Variants in HIP1 observed in about 807,000 individuals in gnomAD.
HIP1 encodes the protein huntingtin interacting protein 1.
Under a neutral mutation model 147.6 loss-of-function variants are expected in HIP1, and 65 were observed. The observed-to-expected ratio is 0.44, with a 90% confidence interval of 0.36 to 0.54. The LOEUF (loss-of-function observed/expected upper bound fraction) is 0.54, where lower values mean the gene tolerates loss of function less well. HIP1 is among the 20% of genes least tolerant of loss of function. HIP1 has a pLI of 0.00. For synonymous variants in HIP1, 479 were observed against 504.0 expected (o/e 0.95, Z 0.67); for missense variants, 1,061 against 1,299.6 (o/e 0.82, Z 2.82).
At chr7:75,661,275 TAAA>T (rs35661628) in intron 1 of HIP1, among the ~76,000 whole-genome samples, 18 of 135,814 alleles carry the variant, frequency 1.3e-4, no homozygotes, top group Non-Finnish European at 1.7e-4. Flanking sequence ...GAGACCCTGT[TAAA>T]AAAAAAAAAA....
intron 9 of HIP1, among the ~76,000 whole-genome samples, chr7:75,565,739 T>C (rs1795378847): frequency 1.8e-5 from 1 of 56,976 alleles, no homozygotes; most frequent in Non-Finnish European, 4.7e-5. Flanking sequence ...CTCCTTTCCT[T>C]TTTTTTTTTT....
At chr7:75,729,995 G>A (rs1254154965) in intron 1 of HIP1, among the ~76,000 whole-genome samples, 1 of 152,098 alleles carries the variant, frequency 6.6e-6, no homozygotes, top group Non-Finnish European at 1.5e-5. Context: ...GCAGGAAGGA[G>A]GGAGGGCTCA....
chr7:75,576,239 A>G (rs1243869212), intron 7 of HIP1, among the ~76,000 whole-genome samples: 5 of 152,208 alleles, frequency 3.3e-5, no homozygotes, highest in East Asian at 3.8e-4. Flanking sequence ...GAGGACTTCA[A>G]TGAGAATGCT....
intron 1 of HIP1, among the ~76,000 whole-genome samples, chr7:75,638,275 C>T (rs1798512161): frequency 6.6e-6 from 1 of 151,944 alleles, no homozygotes; most frequent in Non-Finnish European, 1.5e-5. Context: ...CTGCGAACCC[C>T]CCTCCCATCA....
intron 1 of HIP1, among the ~76,000 whole-genome samples, chr7:75,696,738 T>C (rs1277511633): frequency 6.6e-6 from 1 of 150,892 alleles, no homozygotes; most frequent in African/African-American, 2.4e-5. Flanking sequence ...TGGCTGGAAT[T>C]ACAAGTGCCT....
At chr7:75,582,297 G>T in intron 5 of HIP1, 146 bp from the exon 6 acceptor site, 1 of 634,110 alleles carries the variant, frequency 1.6e-6, no homozygotes, top group Non-Finnish European at 2.8e-6. Flanking sequence ...CAAGTTTACA[G>T]TTCAAGGCCA....
chr7:75,737,867 C>CATTG (rs1451673655), intron 1 of HIP1, among the ~76,000 whole-genome samples: 1 of 152,186 alleles, frequency 6.6e-6, no homozygotes, highest in African/African-American at 2.4e-5. Context: ...GCCCCTCCAG[C>CATTG]ATTGGCACTG....
chr7:75,657,790 G>C (rs1554512933), intron 1 of HIP1, among the ~76,000 whole-genome samples: 1 of 151,896 alleles, frequency 6.6e-6, no homozygotes, highest in Non-Finnish European at 1.5e-5. Context: ...TATTAATATT[G>C]GGTATTATAT....
intron 1 of HIP1, among the ~76,000 whole-genome samples, chr7:75,688,232 C>T (rs1351057789): frequency 1.3e-5 from 2 of 152,196 alleles, no homozygotes; most frequent in African/African-American, 2.4e-5. Flanking sequence ...GAGGTGGGAC[C>T]GCCCTTGTGA....
intron 1 of HIP1, among the ~76,000 whole-genome samples, chr7:75,661,572 CAAAA>C (rs61482074): frequency 6.4e-5 from 3 of 46,910 alleles, no homozygotes; most frequent in African/African-American, 1.6e-4. Flanking sequence ...GACTCCATCT[CAAAA>C]AAAAAAAAAA....
At chr7:75,554,928 A>T (rs1351730835) in intron 19 of HIP1, among the ~76,000 whole-genome samples, 2 of 151,782 alleles carry the variant, frequency 1.3e-5, no homozygotes, top group Admixed American at 1.3e-4. Context: ...AGCCAAGGCC[A>T]GGCATGGTGG....
At chr7:75,636,534 G>A (rs1554509720) in intron 1 of HIP1, among the ~76,000 whole-genome samples, 1 of 152,202 alleles carries the variant, frequency 6.6e-6, no homozygotes, top group Non-Finnish European at 1.5e-5. Context: ...ACCAGAGATG[G>A]GAATTTAATG....
chr7:75,593,739 A>G (rs1796585114), intron 2 of HIP1, among the ~76,000 whole-genome samples: 1 of 151,620 alleles, frequency 6.6e-6, no homozygotes, highest in African/African-American at 2.4e-5. Flanking sequence ...TCCAGGCAGC[A>G]TCTCCCAGCC....
intron 1 of HIP1, among the ~76,000 whole-genome samples, chr7:75,699,994 G>A (rs1800770617): frequency 6.6e-6 from 1 of 152,060 alleles, no homozygotes; most frequent in Non-Finnish European, 1.5e-5. Flanking sequence ...GGGATTACAG[G>A]TGCGCACCAC....
At position 75,559,958 on chromosome 7, in the gene HIP1, C is replaced by A. The variant is rs587727800; in HGVS notation, c.1192-43G>T. 29 of 1,520,630 alleles carry A rather than the reference C, an allele frequency of 1.9e-5. No homozygotes were observed. In the African/African-American group the frequency reaches 3.7e-4, roughly 19 times the overall value. 94.2% of individuals were successfully genotyped at this position (1,520,630 alleles called of 1,614,324 possible). ...TCATGAGGCCAACCGCCCACTGCCA[C>A]GGGTCACGGGCATGGGCCGGAGAAG... is the stretch of plus-strand genomic sequence containing the variant. On this transcript the variant is annotated intron_variant, in intron 13 of 30. Coordinates refer to ENST00000336926, the MANE Select transcript of HIP1 (RefSeq NM_005338.7).
intron 1 of HIP1, among the ~76,000 whole-genome samples, chr7:75,655,009 C>T (rs781826919): frequency 2.0e-5 from 3 of 152,202 alleles, no homozygotes; most frequent in Non-Finnish European, 4.4e-5. Context: ...AAAGTTAAAC[C>T]GAATTACCAC....
chr7:75,558,272 C>G lies in HIP1; in HGVS notation c.1376-17G>C, dbSNP rs782139659. The G allele has an allele frequency of 6.2e-7, 1 of 1,602,704 alleles. No individual in the cohort carries two copies. The highest frequency in any genetic ancestry group is 8.6e-7 in the Non-Finnish European group (1 of 1,169,534). On this transcript the variant is annotated splice_polypyrimidine_tract_variant and intron_variant, in intron 14 of 30. Transcript: ENST00000336926. ...GAGCTTTCCCTGTATTGTAAAGGACCAAGGTGAGGAGTCTAACCTAGCAGG... is the reference window on the plus strand; with the variant it reads ...GAGCTTTCCCTGTATTGTAAAGGACGAAGGTGAGGAGTCTAACCTAGCAGG...
At chr7:75,721,057 C>T (rs1402445747) in intron 1 of HIP1, among the ~76,000 whole-genome samples, 1 of 144,152 alleles carries the variant, frequency 6.9e-6, no homozygotes, top group Non-Finnish European at 1.5e-5. Flanking sequence ...AAAAAAAAGA[C>T]CTCATCTCTA....
chr7:75,556,697 A>G lies in HIP1; in HGVS notation c.1683+13T>C, dbSNP rs1563200448. The G allele has an allele frequency of 3.3e-6, 5 of 1,514,980 alleles. No homozygotes were observed. Among genetic ancestry groups the G allele is most frequent in the South Asian group, 1.2e-5 (1 of 85,486 alleles). 93.8% of individuals were successfully genotyped at this position (1,514,980 alleles called of 1,614,324 possible). Reference sequence around the variant, plus strand: ...GAAGACTCTATCTCCAAAAAAAAAAAGGAGGTATTTACCTGGGCAGAAGTT... The same window carrying G: ...GAAGACTCTATCTCCAAAAAAAAAAGGGAGGTATTTACCTGGGCAGAAGTT... On this transcript the variant is annotated intron_variant, in intron 17 of 30. Coordinates refer to ENST00000336926, the MANE Select transcript of HIP1 (RefSeq NM_005338.7).
Sources: gnomAD v4.1 joint callset for allele counts (sites outside exome capture counted in the v4.1 genomes callset) on GRCh38, gnomAD v4.1.1 for gene constraint, MANE v1.5 for transcripts, NCBI Gene and HGNC (gene_info 2026-07-23, HGNC 2026-07-21) for gene names.